Variants in TLL1 observed in about 807,000 individuals in gnomAD.
The protein encoded by TLL1 is tolloid-like protein 1.
In TLL1, 49 loss-of-function variants were observed where a neutral mutation model predicts 128.2. The ratio of observed to expected loss-of-function variants is 0.38; its 90% CI spans 0.30 to 0.48. The LOEUF is 0.48. Ranked by LOEUF, TLL1 falls within the 20% of genes least tolerant of loss-of-function variation. TLL1 has a pLI of 0.96. For synonymous variants in TLL1, 454 were observed against 418.8 expected (o/e 1.08, Z -1.03); for missense variants, 1,123 against 1,242.0 (o/e 0.90, Z 1.44).
At position 166,104,125 on chromosome 4, in the gene TLL1, G is replaced by A. The variant is rs144643052; in HGVS notation, c.*3249G>A. 4.8e-4 allele frequency among the ~76,000 whole-genome samples: 73 copies of A among 151,814 alleles called. 2 individuals are homozygous for A. In the East Asian group the frequency reaches 0.014, roughly 29 times the overall value. ...AAAATAGCTTGGTCTCTTTTATTTG[G>A]TTTGTAATACTGCTGTATTTTTGGT... On this transcript the variant is annotated 3_prime_UTR_variant, in exon 21 of 21. Coordinates refer to ENST00000061240, the MANE Select transcript of TLL1 (RefSeq NM_012464.5).
chr4:166,098,739 G>A (rs747731367), intron 19 of TLL1, among the ~76,000 whole-genome samples: 1 of 152,014 alleles, frequency 6.6e-6, no homozygotes, highest in South Asian at 2.1e-4. Flanking sequence ...ACAAACACAC[G>A]CAGAGGAGTT....
chr4:166,004,465 T>C (rs759669687), intron 6 of TLL1, among the ~76,000 whole-genome samples: 1 of 152,096 alleles, frequency 6.6e-6, no homozygotes, highest in Non-Finnish European at 1.5e-5. Context: ...ATACAAAGTT[T>C]AGTGTGGGAT....
At chr4:165,924,329 A>G (rs1733175110) in intron 1 of TLL1, among the ~76,000 whole-genome samples, 2 of 152,312 alleles carry the variant, frequency 1.3e-5, no homozygotes, top group South Asian at 4.1e-4. Context: ...AAGGACATTA[A>G]AAGTGCTACT....
At chr4:165,944,173 A>C (rs1263380998) in intron 1 of TLL1, among the ~76,000 whole-genome samples, 2 of 152,138 alleles carry the variant, frequency 1.3e-5, no homozygotes, top group Non-Finnish European at 2.9e-5. Flanking sequence ...TGTACATCAA[A>C]TTTTGACATT....
intron 1 of TLL1, among the ~76,000 whole-genome samples, chr4:165,939,680 A>G (rs187797015): frequency 7.9e-5 from 12 of 152,108 alleles, no homozygotes; most frequent in Non-Finnish European, 1.6e-4. Flanking sequence ...CTGCTGGGCC[A>G]CTAATTCTCT....
In TLL1 at chr4:166,100,852, A is replaced by G; in HGVS notation, c.3018A>G (p.Pro1006=). ...FHIRYKSIRY[P]DTTHTKK ...TAAGATACAAAAGCATAAGATATCC[A>G]GATACCACACATACCAAAAAATAAC... The change falls in exon 21 of 21, where the codon CCA becomes CCG. Residue 1006 remains proline, a synonymous_variant. Coordinates refer to ENST00000061240, the MANE Select transcript of TLL1 (RefSeq NM_012464.5). 1.9e-6 allele frequency: 3 copies of G among 1,612,822 alleles called. No individual in the cohort carries two copies. Among genetic ancestry groups the G allele is most frequent in the Non-Finnish European group, 2.5e-6 (3 of 1,179,282 alleles).
intron 14 of TLL1, among the ~76,000 whole-genome samples, chr4:166,058,457 A>G (rs951579511): frequency 1.3e-5 from 2 of 152,166 alleles, no homozygotes; most frequent in Non-Finnish European, 2.9e-5. Flanking sequence ...GATTTTTTTA[A>G]AAAGACTTTT....
chr4:165,932,881 G>T (rs1733593527), intron 1 of TLL1, among the ~76,000 whole-genome samples: 1 of 151,986 alleles, frequency 6.6e-6, no homozygotes, highest in African/African-American at 2.4e-5. Context: ...GTATGGAAAA[G>T]AGCTGTTAAA....
chr4:165,979,217 A>G (rs1736027871), intron 1 of TLL1, among the ~76,000 whole-genome samples: 1 of 152,158 alleles, frequency 6.6e-6, no homozygotes, highest in Admixed American at 6.6e-5. Context: ...GTCTTGTGCA[A>G]TACATGGTGT....
At chr4:165,917,103 C>A (rs1461797405) in intron 1 of TLL1, among the ~76,000 whole-genome samples, 1 of 151,958 alleles carries the variant, frequency 6.6e-6, no homozygotes, top group African/African-American at 2.4e-5. Context: ...TACCTAAATG[C>A]ATGATATTTT....
chr4:165,902,084 G>T (rs1732020371), intron 1 of TLL1, among the ~76,000 whole-genome samples: 2 of 152,102 alleles, frequency 1.3e-5, no homozygotes, highest in African/African-American at 4.8e-5. Flanking sequence ...AATGGTGGAT[G>T]CCCCTCCCCC....
At chr4:165,888,384 T>G (rs1397708049) in intron 1 of TLL1, among the ~76,000 whole-genome samples, 1 of 152,184 alleles carries the variant, frequency 6.6e-6, no homozygotes, top group Non-Finnish European at 1.5e-5. Context: ...TAACCTACCT[T>G]GCATTCCTGG....
In TLL1 at chr4:166,080,634, G is replaced by C. The variant is rs183859181; in HGVS notation, c.2442+2604G>C. On this transcript the variant is annotated intron_variant, in intron 18 of 20. Coordinates refer to ENST00000061240, the MANE Select transcript of TLL1 (RefSeq NM_012464.5). ...AAGACATTATGTATGCAATAATAGA[G>C]ACTTTATGTCTGGAAACGGATGCAT... 4.2e-3 allele frequency among the ~76,000 whole-genome samples: 645 copies of C among 152,016 alleles called. 7 individuals carry two copies. Among genetic ancestry groups the C allele is most frequent in the African/African-American group, 0.015 (612 of 41,448 alleles).
At chr4:166,028,819 A>G (rs1402849641) in intron 9 of TLL1, among the ~76,000 whole-genome samples, 1 of 151,974 alleles carries the variant, frequency 6.6e-6, no homozygotes, top group African/African-American at 2.4e-5. Context: ...TTTGCCAGGT[A>G]TATCTTTGTC....
chr4:165,986,723 T>G (rs1418895125), intron 1 of TLL1, among the ~76,000 whole-genome samples: 1 of 152,096 alleles, frequency 6.6e-6, no homozygotes, highest in East Asian at 1.9e-4. Flanking sequence ...ATGTTTTTGC[T>G]TCTGTGAAGT....
chr4:165,903,733 TCA>T (rs5863787), intron 1 of TLL1, among the ~76,000 whole-genome samples: 17,649 of 144,706 alleles, frequency 0.12, 1,098 homozygotes, highest in East Asian at 0.17. Context: ...TAAGTTCTTA[TCA>T]CACACACACA....
At chr4:165,890,891 G>A (rs943991998) in intron 1 of TLL1, among the ~76,000 whole-genome samples, 2 of 152,204 alleles carry the variant, frequency 1.3e-5, no homozygotes, top group Non-Finnish European at 2.9e-5. Flanking sequence ...TGCCCTAGCA[G>A]AGGTTCTCCA....
At chr4:166,086,570 C>A (rs987142016) in intron 18 of TLL1, among the ~76,000 whole-genome samples, 2 of 152,064 alleles carry the variant, frequency 1.3e-5, no homozygotes, top group Non-Finnish European at 2.9e-5. Context: ...CTACACATGA[C>A]CGTTGCAACA....
intron 9 of TLL1, among the ~76,000 whole-genome samples, chr4:166,038,313 G>T (rs73863530): frequency 0.15 from 23,026 of 151,492 alleles, 2,116 homozygotes; most frequent in African/African-American, 0.26. Flanking sequence ...TCACAAAAGG[G>T]ATTTTTGAAT....
Sources: gnomAD v4.1 joint callset for allele counts (sites outside exome capture counted in the v4.1 genomes callset) on GRCh38, gnomAD v4.1.1 for gene constraint, MANE v1.5 for transcripts, NCBI Gene and HGNC (gene_info 2026-07-23, HGNC 2026-07-21) for gene names.